CNTNAP2: variants seen among roughly 807,000 people sequenced by gnomAD.
The protein encoded by CNTNAP2 is contactin associated protein 2, also known as contactin-associated protein-like 2.
Under a neutral mutation model 155.2 loss-of-function variants are expected in CNTNAP2, and 98 were observed. The observed-to-expected ratio is 0.63, with a 90% confidence interval of 0.54 to 0.75. The LOEUF is 0.75. Among genes scored for constraint, CNTNAP2 ranks in the 30% least tolerant of loss-of-function variants. CNTNAP2 has a pLI of 0.00. For synonymous variants in CNTNAP2, 651 were observed against 631.2 expected, an observed-to-expected ratio of 1.03 and a Z score of -0.47; for missense variants, 1,727 against 1,688.1, an observed-to-expected ratio of 1.02 and a Z score of -0.40.
chr7:146,785,999 G>A (rs1212949477), intron 2 of CNTNAP2, among the ~76,000 whole-genome samples: 1 of 152,064 alleles, frequency 6.6e-6, no homozygotes, highest in Non-Finnish European at 1.5e-5. Context: ...AAGAAATGAA[G>A]GCCAGGAAAG....
At chr7:146,971,054 A>G (rs1453305326) in intron 3 of CNTNAP2, among the ~76,000 whole-genome samples, 4 of 152,066 alleles carry the variant, frequency 2.6e-5, no homozygotes, top group Non-Finnish European at 5.9e-5. Flanking sequence ...CACTCTGCAG[A>G]CTGTTGTGGG....
intron 8 of CNTNAP2, among the ~76,000 whole-genome samples, chr7:147,256,833 G>A (rs1290533084): frequency 6.6e-6 from 1 of 151,962 alleles, no homozygotes; most frequent in East Asian, 1.9e-4. Context: ...GTGGGTGGAG[G>A]AAGATTTGGA....
intron 11 of CNTNAP2, among the ~76,000 whole-genome samples, chr7:147,505,075 C>A (rs1159097890): frequency 6.6e-6 from 1 of 152,032 alleles, no homozygotes; most frequent in Admixed American, 6.6e-5. Context: ...CATAGATTTT[C>A]CCCGTTTCTA....
chr7:146,148,850 G>T (rs567241240), intron 1 of CNTNAP2, among the ~76,000 whole-genome samples: 3 of 152,142 alleles, frequency 2.0e-5, no homozygotes, highest in South Asian at 4.2e-4. Flanking sequence ...AATAGAGCAG[G>T]CACTCAAAAT....
At chr7:146,659,548 A>G (rs1412229069) in intron 1 of CNTNAP2, among the ~76,000 whole-genome samples, 1 of 152,214 alleles carries the variant, frequency 6.6e-6, no homozygotes, top group Non-Finnish European at 1.5e-5. Flanking sequence ...CATAGTAGGC[A>G]GTAGATGGTT....
At chr7:147,263,444 T>A (rs1315229223) in intron 8 of CNTNAP2, among the ~76,000 whole-genome samples, 1 of 152,064 alleles carries the variant, frequency 6.6e-6, no homozygotes, top group Non-Finnish European at 1.5e-5. Flanking sequence ...TAAAAGGTGA[T>A]ATTTTAAATT....
At chr7:147,033,164 A>ATATATATATATATATATATATATATATG (rs1799071142) in intron 3 of CNTNAP2, among the ~76,000 whole-genome samples, 1 of 20,206 alleles carries the variant, frequency 4.9e-5, no homozygotes, top group Admixed American at 2.7e-4. Context: ...ATATATGTAT[A>ATATATATATATATATATATATATATATG]TATATATATA....
intron 1 of CNTNAP2, among the ~76,000 whole-genome samples, chr7:146,728,409 C>A (rs556574004): frequency 1.7e-4 from 26 of 152,084 alleles, no homozygotes; most frequent in Non-Finnish European, 3.1e-4. Flanking sequence ...GCAAATAATG[C>A]GAGCCAGTTT....
chr7:147,758,849 A>G (rs561720795), intron 13 of CNTNAP2, among the ~76,000 whole-genome samples: 68 of 152,278 alleles, frequency 4.5e-4, no homozygotes, highest in Middle Eastern at 6.8e-3. Flanking sequence ...TGTCTCAAAA[A>G]ATAAGTAAGT....
chr7:146,712,815 A>G lies in CNTNAP2; in HGVS notation c.98-61456A>G, dbSNP rs143761885. ...ATATTTTACTCCTTTCTGTTACTCAATTCAAAAGTATTTGCCATGAATGAC... is the reference window on the plus strand; with the variant it reads ...ATATTTTACTCCTTTCTGTTACTCAGTTCAAAAGTATTTGCCATGAATGAC... On this transcript the variant is annotated intron_variant, in intron 1 of 23. Coordinates refer to ENST00000361727, the MANE Select transcript of CNTNAP2 (RefSeq NM_014141.6). Among the ~76,000 whole-genome samples the G allele has an allele frequency of 2.1e-3, 322 of 152,146 alleles. 2 individuals are homozygous for G. Among genetic ancestry groups the G allele is most frequent in the African/African-American group, 5.3e-3 (221 of 41,512 alleles).
chr7:148,205,008 A>G (rs1795426259), intron 18 of CNTNAP2, among the ~76,000 whole-genome samples: 1 of 152,230 alleles, frequency 6.6e-6, no homozygotes, highest in African/African-American at 2.4e-5. Context: ...GTAGGAGCTC[A>G]TGTCTTCATG....
chr7:147,182,630 A>C (rs548057435), intron 8 of CNTNAP2, among the ~76,000 whole-genome samples: 119 of 152,136 alleles, frequency 7.8e-4, no homozygotes, highest in African/African-American at 2.0e-3. Flanking sequence ...TTAAAAAAAA[A>C]CCCTTTTATG....
At chr7:147,043,740 C>A (rs550234655) in intron 3 of CNTNAP2, among the ~76,000 whole-genome samples, 167 bp from the exon 4 acceptor site, 1 of 152,234 alleles carries the variant, frequency 6.6e-6, no homozygotes, top group Non-Finnish European at 1.5e-5. Context: ...AAAACTGGAC[C>A]TATTTTCACA....
At chr7:148,370,547 G>A (rs1798867673) in intron 21 of CNTNAP2, among the ~76,000 whole-genome samples, 1 of 152,192 alleles carries the variant, frequency 6.6e-6, no homozygotes, top group African/African-American at 2.4e-5. Flanking sequence ...GGCACACAGG[G>A]TGAAGTGAGG....
intron 19 of CNTNAP2, among the ~76,000 whole-genome samples, chr7:148,227,384 A>C (rs1795872501): frequency 1.3e-5 from 2 of 152,322 alleles, no homozygotes; most frequent in South Asian, 4.1e-4. Context: ...CGGAGCAAAG[A>C]AAAGCAAAGG....
intron 5 of CNTNAP2, among the ~76,000 whole-genome samples, chr7:147,120,201 AATAATT>A (rs1801074558): frequency 6.6e-6 from 1 of 152,212 alleles, no homozygotes; most frequent in African/African-American, 2.4e-5. Flanking sequence ...TGGTCTTAAT[AATAATT>A]ATAACAGTCA....
chr7:146,475,534 T>A (rs1480800303), intron 1 of CNTNAP2, among the ~76,000 whole-genome samples: 1 of 152,122 alleles, frequency 6.6e-6, no homozygotes, highest in Non-Finnish European at 1.5e-5. Flanking sequence ...GAGCCAGCCA[T>A]TGAGTGGTTT....
chr7:146,965,523 C>A (rs1285503969), intron 3 of CNTNAP2, among the ~76,000 whole-genome samples: 3 of 151,912 alleles, frequency 2.0e-5, no homozygotes, highest in Admixed American at 6.6e-5. Flanking sequence ...TCTAGCCTAA[C>A]TAAACATGGG....
At chr7:146,830,139 AT>A (rs1230701030) in intron 2 of CNTNAP2, among the ~76,000 whole-genome samples, 2 of 152,034 alleles carry the variant, frequency 1.3e-5, no homozygotes, top group African/African-American at 4.8e-5. Context: ...TCGAATTTAT[AT>A]TTTCCTGTTT....
Sources: gnomAD v4.1 joint callset for allele counts (sites outside exome capture counted in the v4.1 genomes callset) on GRCh38, gnomAD v4.1.1 for gene constraint, MANE v1.5 for transcripts, NCBI Gene and HGNC (gene_info 2026-07-23, HGNC 2026-07-21) for gene names.